QSER1: variants seen among roughly 807,000 people sequenced by gnomAD.
QSER1 encodes glutamine and serine-rich protein 1.
QSER1 carries 49 observed loss-of-function variants against 158.5 expected under a neutral mutation model. That is an observed-to-expected ratio of 0.31 (90% CI 0.25 to 0.39). The LOEUF (loss-of-function observed/expected upper bound fraction) is 0.39. Among genes scored for constraint, QSER1 ranks in the 10% least tolerant of loss-of-function variants. The pLI, the probability that QSER1 is intolerant of heterozygous loss-of-function variation, is 1.00. For missense variants in QSER1, 1,754 were observed against 2,010.3 expected, an observed-to-expected ratio of 0.87 and a Z score of 2.44; for synonymous variants, 650 against 715.5, an observed-to-expected ratio of 0.91 and a Z score of 1.46.
chr11:32,903,790 T>TG (rs1851654982), intron 1 of QSER1, among the ~76,000 whole-genome samples: 1 of 152,060 alleles, frequency 6.6e-6, no homozygotes, highest in Non-Finnish European at 1.5e-5. Flanking sequence ...TTTTGTATTT[T>TG]TAGTAGAGAT....
chr11:32,905,087 A>G (rs975527579), intron 1 of QSER1, among the ~76,000 whole-genome samples: 3 of 151,776 alleles, frequency 2.0e-5, no homozygotes, highest in African/African-American at 7.3e-5. Flanking sequence ...TAAGTTAACA[A>G]CTCTTTAGGG....
At chr11:32,940,224 G>GA (rs1320616601) in intron 4 of QSER1, among the ~76,000 whole-genome samples, 1 of 152,114 alleles carries the variant, frequency 6.6e-6, no homozygotes, top group African/African-American at 2.4e-5. Context: ...AGAGAAAAAA[G>GA]AAACAGATTT....
chr11:32,925,454 G>C (rs1851955012), intron 1 of QSER1, among the ~76,000 whole-genome samples: 1 of 151,896 alleles, frequency 6.6e-6, no homozygotes, highest in Non-Finnish European at 1.5e-5. Flanking sequence ...ATCAAGTATT[G>C]ACAAAGATGC....
At chr11:32,948,356 C>A (rs1485611218) in intron 4 of QSER1, among the ~76,000 whole-genome samples, 1 of 152,204 alleles carries the variant, frequency 6.6e-6, no homozygotes, top group Non-Finnish European at 1.5e-5. Context: ...CACTAACTGA[C>A]TTGGATGGTA....
At chr11:32,898,297 G>A (rs1056311533) in intron 1 of QSER1, among the ~76,000 whole-genome samples, 10 of 152,238 alleles carry the variant, frequency 6.6e-5, no homozygotes, top group South Asian at 2.1e-4. Flanking sequence ...CCTACGCAAC[G>A]TGGTGAAACC....
At chr11:32,965,844 G>A (rs1369775832) in intron 8 of QSER1, among the ~76,000 whole-genome samples, 1 of 151,982 alleles carries the variant, frequency 6.6e-6, no homozygotes, top group African/African-American at 2.4e-5. Flanking sequence ...GGGAGGTTGA[G>A]GCAGGAGAAT....
At chr11:32,906,289 G>A (rs757244215) in intron 1 of QSER1, among the ~76,000 whole-genome samples, 3 of 151,926 alleles carry the variant, frequency 2.0e-5, no homozygotes, top group Non-Finnish European at 2.9e-5. Flanking sequence ...AGGTGTGGTG[G>A]TGCATGCCTG....
intron 1 of QSER1, among the ~76,000 whole-genome samples, chr11:32,898,080 T>C (rs1335963492): frequency 6.6e-6 from 1 of 152,246 alleles, no homozygotes; most frequent in East Asian, 1.9e-4. Flanking sequence ...ATTCTTCTTA[T>C]ACCATCCAGA....
In QSER1 at chr11:32,973,526, A is replaced by G; in HGVS notation, c.5335A>G (p.Lys1779Glu). ...TAATAAGAAAACTCTAAGGACTTCT[A>G]AAACAACCACCAAATCTGCACAAGT... is the stretch of plus-strand genomic sequence containing the variant. ...AYNKKTLRTSKTTTKSAQEFA... is the reference protein window; with the variant it reads ...AYNKKTLRTSETTTKSAQEFA... The change falls in exon 11 of 13, where the codon AAA (lysine) becomes GAA (glutamate). Residue 1779 changes from lysine (K) to glutamate (E), a missense_variant. Transcript: ENST00000650167. The G allele has an allele frequency of 6.2e-7, 1 of 1,609,748 alleles. No homozygotes were observed. Among genetic ancestry groups the G allele is most frequent in the Non-Finnish European group, 8.5e-7 (1 of 1,178,806 alleles).
At chr11:32,944,303 T>C (rs1428851751) in intron 4 of QSER1, among the ~76,000 whole-genome samples, 2 of 144,168 alleles carry the variant, frequency 1.4e-5, no homozygotes, top group African/African-American at 5.1e-5. Flanking sequence ...GCTCTTGCTT[T>C]TCTAGTTCTT....
intron 4 of QSER1, among the ~76,000 whole-genome samples, chr11:32,941,385 C>T (rs1223771020): frequency 1.1e-5 from 1 of 94,030 alleles, no homozygotes; most frequent in Non-Finnish European, 2.2e-5. Context: ...CCTCCCCCCT[C>T]CACCCCCCAC....
intron 1 of QSER1, among the ~76,000 whole-genome samples, chr11:32,896,650 A>G (rs1490203507): frequency 6.6e-6 from 1 of 152,194 alleles, no homozygotes; most frequent in Non-Finnish European, 1.5e-5. Flanking sequence ...TGGCCTCCCA[A>G]AGTGCTGGGA....
In QSER1 at chr11:32,932,468, CCTT is replaced by C. The variant is rs769494037; in HGVS notation, c.1213_1215del (p.Ser405del). On this transcript the variant is annotated inframe_deletion, in exon 4 of 13. Coordinates refer to ENST00000650167, the MANE Select transcript of QSER1 (RefSeq NM_001076786.3). ...TGCGATTCCATCATCAGGGTATCCT[CCTT>C]CTACTACAAAAATAAAAAGCTGTTC... The C allele has an allele frequency of 3.7e-6, 6 of 1,613,732 alleles. No homozygotes were observed. In the South Asian group the frequency reaches 5.5e-5, roughly 15 times the overall value.
intron 10 of QSER1, among the ~76,000 whole-genome samples, chr11:32,970,672 T>C (rs549865009): frequency 5.3e-5 from 8 of 152,158 alleles, no homozygotes; most frequent in Non-Finnish European, 1.2e-4. Flanking sequence ...CCCAAAGTGC[T>C]GGGATTAATA....
rs778922736 is a variant in QSER1 at position 32,979,382 on chromosome 11, G to A, written c.*2908G>A. On this transcript the variant is annotated 3_prime_UTR_variant, in exon 13 of 13. Coordinates refer to ENST00000650167, the MANE Select transcript of QSER1 (RefSeq NM_001076786.3). ...TAATATAAAAAATCATTTTGTGTTG[G>A]TGTTTATTACTAGTTCAGATGAGTG... is the stretch of plus-strand genomic sequence containing the variant. 2 of 152,450 alleles carry A rather than the reference G, an allele frequency of 1.3e-5. No individual in the cohort carries two copies. Among genetic ancestry groups the A allele is most frequent in the African/African-American group, 2.4e-5 (1 of 41,428 alleles). 9.4% of individuals were successfully genotyped at this position (152,450 alleles called of 1,614,324 possible).
rs560335157 is a variant in QSER1, at chr11:32,893,822, TG to T, written c.209+494del. Among the ~76,000 whole-genome samples, 239 of 151,826 alleles carry T rather than the reference TG, an allele frequency of 1.6e-3. No homozygotes were observed. Among genetic ancestry groups the T allele is most frequent in the African/African-American group, 5.5e-3 (228 of 41,402 alleles). The stretch of plus-strand genomic sequence containing the variant: ...TCGCGGAACCGCGTCCCGGAGACAC[TG>T]GGGGGCCCGGGAGGGCTGGGCTACG... On this transcript the variant is annotated intron_variant, in intron 1 of 12. Coordinates refer to ENST00000650167, the MANE Select transcript of QSER1 (RefSeq NM_001076786.3). This position sits in a 1 kb window ranked among gnomAD's most constrained non-coding sequence, Gnocchi z 4.7.
chr11:32,920,214 T>TGA (rs1381591149), intron 1 of QSER1, among the ~76,000 whole-genome samples: 5 of 152,220 alleles, frequency 3.3e-5, no homozygotes, highest in African/African-American at 1.2e-4. Flanking sequence ...ATATAGAGAA[T>TGA]GATTGCTATG....
At chr11:32,936,657 C>T (rs1852157173) in intron 4 of QSER1, among the ~76,000 whole-genome samples, 1 of 152,036 alleles carries the variant, frequency 6.6e-6, no homozygotes. Flanking sequence ...TTATGTGGGC[C>T]CATACCTCTA....
chr11:32,901,586 C>A (rs530266333), intron 1 of QSER1, among the ~76,000 whole-genome samples: 6 of 152,120 alleles, frequency 3.9e-5, no homozygotes, highest in Non-Finnish European at 7.3e-5. Flanking sequence ...AAGGGCTGGG[C>A]CTTGAACTGG....
Sources: allele counts gnomAD v4.1 joint callset (sites outside exome capture counted in the v4.1 genomes callset), GRCh38; gene constraint gnomAD v4.1.1; non-coding constraint Gnocchi (gnomAD v3.1); transcripts MANE v1.5; gene names NCBI Gene and HGNC (gene_info 2026-07-23, HGNC 2026-07-21).